The following NR4A1 variants were observed in gnomAD, a reference collection of about 807,000 sequenced individuals.
NR4A1 encodes nuclear receptor subfamily 4 group A member 1, also known as nuclear receptor subfamily 4immunitygroup A member 1.
A neutral mutation model predicts 47.5 loss-of-function variants in NR4A1; 24 were observed. The ratio of observed to expected loss-of-function variants is 0.50; its 90% CI spans 0.37 to 0.71. The LOEUF (loss-of-function observed/expected upper bound fraction) is 0.71. Among genes scored for constraint, NR4A1 ranks in the 30% least tolerant of loss-of-function variants. NR4A1 has a pLI of 0.00. For missense variants in NR4A1, 669 were observed against 788.6 expected, an observed-to-expected ratio of 0.85 and a Z score of 1.82; for synonymous variants, 353 against 345.7, an observed-to-expected ratio of 1.02 and a Z score of -0.24.
rs1475384641 is a variant in NR4A1, at chr12:52,055,135, G to A, written c.807G>A (p.Val269=). The A allele has an allele frequency of 6.2e-7, 1 of 1,614,030 alleles. No homozygotes were observed. Among genetic ancestry groups the A allele is most frequent in the Non-Finnish European group, 8.5e-7 (1 of 1,180,058 alleles). The part of the protein sequence containing the change: ...APGGSEGRCA[V]CGDNASCQHY... Reference sequence around the variant, plus strand: ...GTGGAAGTGAAGGCCGCTGTGCTGTGTGTGGGGACAACGCTTCATGCCAGC... The same window carrying A: ...GTGGAAGTGAAGGCCGCTGTGCTGTATGTGGGGACAACGCTTCATGCCAGC... The change falls in exon 2 of 7, where the codon GTG becomes GTA. Residue 269 remains valine (V), a synonymous_variant. Transcript: ENST00000394825.
At chr12:52,036,612 C>T (rs567172887) in intron 1 of NR4A1, among the ~76,000 whole-genome samples, 1 of 152,232 alleles carries the variant, frequency 6.6e-6, no homozygotes, top group Non-Finnish European at 1.5e-5. Flanking sequence ...GGGGCCTGCA[C>T]CCCCGCCTCG....
At chr12:52,033,663 A>C (rs753855595) in intron 1 of NR4A1, among the ~76,000 whole-genome samples, 12 of 152,180 alleles carry the variant, frequency 7.9e-5, no homozygotes, top group Non-Finnish European at 1.5e-4. Context: ...GTGTAACCCC[A>C]TCTGGGCGGT....
At chr12:52,028,371 C>T (rs992167684) in intron 1 of NR4A1, among the ~76,000 whole-genome samples, 4 of 151,348 alleles carry the variant, frequency 2.6e-5, no homozygotes, top group African/African-American at 9.7e-5. Context: ...GTCAAGTGAT[C>T]GAGACCATCC....
upstream of NR4A1, among the ~76,000 whole-genome samples, chr12:52,048,389 T>C (rs1420190490): frequency 3.3e-5 from 5 of 151,578 alleles, no homozygotes; most frequent in Admixed American, 6.6e-5. Context: ...GGTCAGGAGA[T>C]CAAGACCATC....
In NR4A1 at chr12:52,035,270, A is replaced by G. The variant is rs371477689; in HGVS notation, c.-83-6540A>G. Among the ~76,000 whole-genome samples the G allele has an allele frequency of 9.0e-4, 137 of 152,312 alleles. 1 individual carries two copies. The highest frequency in any genetic ancestry group is 3.1e-3 in the African/African-American group (127 of 41,566). On this transcript the variant is annotated intron_variant, in intron 1 of 7. Coordinates refer to the NR4A1 transcript ENST00000360284. Reference sequence around the variant, plus strand: ...GTTCTGGCATTCCACATTTTAGAATATGTTTTATTTGATTATAAATAGGAG... The same window carrying G: ...GTTCTGGCATTCCACATTTTAGAATGTGTTTTATTTGATTATAAATAGGAG...
At chr12:52,052,298 TGTGTGTGAGAGA>T (rs900438425) in intron 1 of NR4A1, among the ~76,000 whole-genome samples, 6 of 138,422 alleles carry the variant, frequency 4.3e-5, no homozygotes, top group African/African-American at 8.7e-5. Flanking sequence ...TGTGTGTGTG[TGTGTGTGAGAGA>T]GAGAGAGAGA....
At position 52,052,323 on chromosome 12, in the gene NR4A1, G is replaced by GAGAGAA. The variant is rs57546546; in HGVS notation, c.-3+761_-3+766dup. On this transcript the variant is annotated intron_variant, in intron 1 of 6. Transcript: ENST00000394825. The stretch of plus-strand genomic sequence containing the variant: ...TGTGTGTGAGAGAGAGAGAGAGAGA[G>GAGAGAA]AGAGAAAGAGAGACAGAGGTGGAAA... Among the ~76,000 whole-genome samples, 652 of 146,680 alleles carry GAGAGAA rather than the reference G, an allele frequency of 4.4e-3. 11 individuals carry two copies. Among genetic ancestry groups the GAGAGAA allele is most frequent in the African/African-American group, 0.013 (516 of 38,382 alleles).
intron 6 of NR4A1, chr12:52,058,450 G>A: frequency 1.8e-6 from 1 of 542,768 alleles, no homozygotes; most frequent in Non-Finnish European, 3.2e-6. Context: ...TGTGACCCTG[G>A]GCAAGTCATT....
chr12:52,056,262 C>A, intron 3 of NR4A1, 103 bp downstream of exon 3: 2 of 1,464,360 alleles, frequency 1.4e-6, no homozygotes, highest in Non-Finnish European at 1.8e-6. Flanking sequence ...GAGGAGGGCA[C>A]GTCTTATTTC....
chr12:52,039,362 G>A (rs994325033), intron 1 of NR4A1, among the ~76,000 whole-genome samples: 6 of 152,210 alleles, frequency 3.9e-5, no homozygotes, highest in Non-Finnish European at 8.8e-5. Flanking sequence ...TGTTGCAAGG[G>A]GCAGTTTATT....
At chr12:52,034,844 C>CCCAAGTCCT (rs1938203099) in intron 1 of NR4A1, among the ~76,000 whole-genome samples, 1 of 152,204 alleles carries the variant, frequency 6.6e-6, no homozygotes, top group East Asian at 1.9e-4. Context: ...AAGACAAGGT[C>CCCAAGTCCT]CCAAGTCCTC....
rs1370090998 is a variant in NR4A1, at chr12:52,057,412, G to T, written c.1422G>T (p.Gln474His). Residue 474 changes from glutamine (Q) to histidine (H), a missense_variant, in exon 6 of 7, where the codon CAG becomes CAT. By Grantham distance (24) the Gln-to-His change is conservative (BLOSUM62 0). Transcript: ENST00000394825. ...CAGGCCTGGTGCTACACCGGCTGCA[G>T]TGTGCCCGTGGCTTCGGGGACTGGA... The part of the protein sequence containing the change: ...FCSGLVLHRL[Q>H]CARGFGDWID... 6.2e-7 allele frequency: 1 copy of T among 1,614,260 alleles called. No homozygotes were observed. Among genetic ancestry groups the T allele is most frequent in the Admixed American group, 1.7e-5 (1 of 60,032 alleles).
At chr12:52,045,277 C>G (rs1938588069) in intron 2 of NR4A1, among the ~76,000 whole-genome samples, 1 of 152,266 alleles carries the variant, frequency 6.6e-6, no homozygotes, top group South Asian at 2.1e-4. Context: ...CCCTGCCACC[C>G]TCCCTGCCAG....
chr12:52,048,458 G>T (rs528063010), upstream of NR4A1, among the ~76,000 whole-genome samples: 1 of 152,168 alleles, frequency 6.6e-6, no homozygotes, highest in African/African-American at 2.4e-5. Flanking sequence ...AGCTGGCGTG[G>T]TGGCAGGCAC....
chr12:52,042,021 T>C, intron 2 of NR4A1: 1 of 1,225,456 alleles, frequency 8.2e-7, no homozygotes, highest in Middle Eastern at 2.1e-4. Flanking sequence ...GCGGATGTGG[T>C]TAGGGGGATG....
intron 2 of NR4A1, chr12:52,043,318 C>T (rs1938507213): frequency 6.1e-6 from 1 of 164,218 alleles, no homozygotes; most frequent in Non-Finnish European, 1.3e-5. Flanking sequence ...CGCCCCCAGT[C>T]CAGACCCAGC....
At chr12:52,055,435 A>G in intron 2 of NR4A1, 1 of 617,204 alleles carries the variant, frequency 1.6e-6, no homozygotes, top group Non-Finnish European at 2.8e-6. Context: ...AGCTGGAGGG[A>G]GGGGTGAGAT....
At chr12:52,028,367 T>A (rs1283173) in intron 1 of NR4A1, among the ~76,000 whole-genome samples, 117,261 of 151,790 alleles carry the variant, frequency 0.77, 46,155 homozygotes, top group African/African-American at 0.88. Context: ...TGAGGTCAAG[T>A]GATCGAGACC....
chr12:52,035,605 C>G (rs983625458), intron 1 of NR4A1, among the ~76,000 whole-genome samples: 10 of 152,146 alleles, frequency 6.6e-5, no homozygotes, highest in Non-Finnish European at 1.2e-4. Flanking sequence ...CCCACCCCAA[C>G]GCCTTGTCAT....
Sources: allele counts gnomAD v4.1 joint callset (sites outside exome capture counted in the v4.1 genomes callset), GRCh38; gene constraint gnomAD v4.1.1; transcripts MANE v1.5; gene names NCBI Gene and HGNC (gene_info 2026-07-23, HGNC 2026-07-21).